The following EXOSC1 variants were observed in gnomAD, a reference collection of about 807,000 sequenced individuals.
EXOSC1 encodes the protein exosome complex component CSL4.
In EXOSC1, 27 loss-of-function variants were observed where a neutral mutation model predicts 31.4. The observed-to-expected ratio is 0.86, with a 90% CI of 0.63 to 1.18. The LOEUF is 1.18. Among genes scored for constraint, EXOSC1 ranks in the 50% most tolerant of loss-of-function variants. The pLI, the probability that EXOSC1 is intolerant of heterozygous loss-of-function variation, is 0.00. For synonymous variants in EXOSC1, 84 were observed against 89.5 expected, an observed-to-expected ratio of 0.94 and a Z score of 0.35; for missense variants, 228 against 250.3, an observed-to-expected ratio of 0.91 and a Z score of 0.60.
At chr10:97,444,847 T>C (rs1372187852) in intron 2 of EXOSC1, 1 of 152,224 alleles carries the variant, frequency 6.6e-6, no homozygotes, top group Non-Finnish European at 1.5e-5. Context: ...GCTTATATGA[T>C]CCTGAGCTAA....
At position 97,436,047 on chromosome 10, in the gene EXOSC1, G is replaced by A; in HGVS notation, c.*398C>T. ...ACGTATGTAAAGCACCTGACTCAGTGCCTAGCACAGTAAGTACTCAATAAG... is the reference window on the plus strand; with the variant it reads ...ACGTATGTAAAGCACCTGACTCAGTACCTAGCACAGTAAGTACTCAATAAG... On this transcript the variant is annotated 3_prime_UTR_variant, in exon 8 of 8. Coordinates refer to ENST00000370902, the MANE Select transcript of EXOSC1 (RefSeq NM_016046.5). 4.4e-6 allele frequency: 1 copy of A among 229,498 alleles called. No homozygotes were observed. The allele number at this position is 229,498 out of a possible 1,614,324, so 14.2% of individuals were successfully genotyped here.
chr10:97,438,784 CCT>C, intron 4 of EXOSC1, 81 bp from the exon 5 acceptor site: 1 of 1,108,758 alleles, frequency 9.0e-7, no homozygotes, highest in East Asian at 2.4e-5. Flanking sequence ...ACAGAGTCTC[CCT>C]CTGTCACCCA....
rs1315285360 is a variant in EXOSC1, at chr10:97,436,008, C to T, written c.*437G>A. 2 of 173,622 alleles carry T rather than the reference C, an allele frequency of 1.2e-5. No homozygotes were observed. The highest frequency in any genetic ancestry group is 2.4e-5 in the Non-Finnish European group (2 of 82,570). The allele number at this position is 173,622 out of a possible 1,614,324, so 10.8% of individuals were successfully genotyped here. Reference sequence around the variant, plus strand: ...CAAATTTTCATTAAATCACAATGTACCTAAATGAAGGGGACGTATGTAAAG... The same window carrying T: ...CAAATTTTCATTAAATCACAATGTATCTAAATGAAGGGGACGTATGTAAAG... On this transcript the variant is annotated 3_prime_UTR_variant, in exon 8 of 8. Transcript: ENST00000370902.
rs1451594254 is a variant in EXOSC1 at position 97,443,248 on chromosome 10, C to T, written c.211G>A (p.Val71Ile). Reference protein sequence around the residue: ...SQLLPDVGAIVTCKVSSINSR... With the variant: ...SQLLPDVGAIITCKVSSINSR... ...CAGGACCAACTTACCTTACAGGTTA[C>T]AATAGCTCCCACATCTGGCAGTAAC... The change falls in exon 3 of 8, where the codon GTA (valine) becomes ATA (isoleucine). Residue 71 changes from valine to isoleucine, a missense_variant. Physicochemically the swap from Val to Ile is conservative, Grantham distance 29. Transcript: ENST00000370902. 7 of 1,614,046 alleles carry T rather than the reference C, an allele frequency of 4.3e-6. No homozygotes were observed. Among genetic ancestry groups the T allele is most frequent in the Non-Finnish European group, 5.9e-6 (7 of 1,179,942 alleles).
chr10:97,437,244 A>AG lies in EXOSC1; in HGVS notation c.427dup (p.Leu143ProfsTer17). The AG allele has an allele frequency of 6.2e-7, 1 of 1,614,168 alleles. No homozygotes were observed. Among genetic ancestry groups the AG allele is most frequent in the Non-Finnish European group, 8.5e-7 (1 of 1,180,014 alleles). On this transcript the variant is annotated frameshift_variant, in exon 7 of 8. Transcript: ENST00000370902. LOFTEE classifies it high-confidence loss of function. ...CAGCTCGTTCTCGGCGGTGGTTAGC[A>AG]GGTAGTTGGACTGTGCATCACCTAA...
At chr10:97,445,034 G>A (rs17415112) in intron 2 of EXOSC1, 15,467 of 152,138 alleles carry the variant, frequency 0.1, 1,045 homozygotes, top group Middle Eastern at 0.18. Context: ...CTCATCATAT[G>A]CTGACATAGT....
chr10:97,440,051 C>A (rs1845667306), intron 4 of EXOSC1, among the ~76,000 whole-genome samples: 1 of 151,548 alleles, frequency 6.6e-6, no homozygotes. Context: ...TGGCTCACCG[C>A]AAGCTCCGCC....
At chr10:97,436,786 G>A (rs1406780835) in intron 7 of EXOSC1, among the ~76,000 whole-genome samples, 2 of 152,216 alleles carry the variant, frequency 1.3e-5, no homozygotes, top group Non-Finnish European at 2.9e-5. Context: ...CACTTTGGGA[G>A]GCCAAGGCGG....
chr10:97,437,355 C>CT (rs879117300), intron 6 of EXOSC1, 80 bp from the exon 7 acceptor site: 36,157 of 816,980 alleles, frequency 0.044, no homozygotes, highest in South Asian at 0.058. Context: ...GTTTTTCTAC[C>CT]TTTTTTTTTT....
rs1845927976 is a variant in EXOSC1 at position 97,445,586 on chromosome 10, C to T, written c.147+146G>A. ...TGTGTGGTGGCTAAGTGCACCACAG[C>T]GGCGATACGGCTAGAAGAAACTAAG... On this transcript the variant is annotated intron_variant, in intron 2 of 7. Transcript: ENST00000370902. 1.3e-5 allele frequency: 9 copies of T among 696,760 alleles called. No homozygotes were observed. The East Asian group carries it at 1.9e-4, about 15-fold the overall frequency. 43.2% of individuals were successfully genotyped at this position (696,760 alleles called of 1,614,324 possible).
At position 97,437,250 on chromosome 10, in the gene EXOSC1, T is replaced by C. The variant is rs760283317; in HGVS notation, c.422A>G (p.Asn141Ser). ...KVISLGDAQS[N>S]YLLTTAENEL... ...GTTCTCGGCGGTGGTTAGCAGGTAG[T>C]TGGACTGTGCATCACCTAAGGAGAT... The change falls in exon 7 of 8, where the codon AAC (asparagine) becomes AGC (serine). Residue 141 changes from asparagine (N) to serine (S), a missense_variant. Asn to Ser is a conservative substitution (Grantham distance 46). Coordinates refer to ENST00000370902, the MANE Select transcript of EXOSC1 (RefSeq NM_016046.5). The C allele has an allele frequency of 2.5e-6, 4 of 1,614,092 alleles. No individual in the cohort carries two copies. Among genetic ancestry groups the C allele is most frequent in the Non-Finnish European group, 3.4e-6 (4 of 1,179,988 alleles).
chr10:97,436,550 A>G lies in EXOSC1; in HGVS notation c.483T>C (p.Gly161=), dbSNP rs766481060. The G allele has an allele frequency of 1.9e-6, 3 of 1,591,664 alleles. No individual in the cohort carries two copies. In the Admixed American group the frequency reaches 5.6e-5, roughly 30 times the overall value. ...LGVVVAHSES[G]IQMVPISWCE... Reference sequence around the variant, plus strand: ...ACCAGCTGATGGGAACCATCTGGATACCTGGAAGGGAAAAGCTGGTGGTGG... The same window carrying G: ...ACCAGCTGATGGGAACCATCTGGATGCCTGGAAGGGAAAAGCTGGTGGTGG... The change falls in exon 8 of 8, where the codon GGT becomes GGC. Residue 161 remains glycine, a splice_region_variant and synonymous_variant. Transcript: ENST00000370902.
At chr10:97,437,084 T>C in intron 7 of EXOSC1, 107 bp downstream of exon 7, 1 of 950,672 alleles carries the variant, frequency 1.1e-6, no homozygotes, top group Non-Finnish European at 1.7e-6. Context: ...GAGGGAAATA[T>C]CTATAGCCAT....
At chr10:97,436,732 A>T (rs571177021) in intron 7 of EXOSC1, among the ~76,000 whole-genome samples, 181 bp from the exon 8 acceptor site, 1 of 152,276 alleles carries the variant, frequency 6.6e-6, no homozygotes, top group South Asian at 2.1e-4. Flanking sequence ...GATTTATATA[A>T]GGAGAATCAG....
rs141065374 is a variant in EXOSC1, at chr10:97,438,689, C to T, written c.326G>A (p.Arg109Gln). ...AACAACCTTGTCTTTTTCAGTTGCT[C>T]GGACATCTTCCTTGCTATAAAAAAA... ...FRGTIRKEDV[R>Q]ATEKDKVEIY... The change falls in exon 5 of 8, where the codon CGA becomes CAA. Residue 109 changes from arginine (R) to glutamine (Q), a missense_variant. Arg to Gln is a conservative substitution (Grantham distance 43). Transcript: ENST00000370902. 24 of 1,608,530 alleles carry T rather than the reference C, an allele frequency of 1.5e-5. No individual in the cohort carries two copies. Among genetic ancestry groups the T allele is most frequent in the South Asian group, 5.5e-5 (5 of 90,428 alleles).
At chr10:97,437,057 T>A (rs1002183876) in intron 7 of EXOSC1, 134 bp downstream of exon 7, 14 of 829,312 alleles carry the variant, frequency 1.7e-5, no homozygotes, top group Non-Finnish European at 2.6e-5. Context: ...AAGAAAAAAA[T>A]AATCATTCTA....
chr10:97,445,707 G>A (rs1184411611), intron 2 of EXOSC1, 25 bp downstream of exon 2: 2 of 1,608,636 alleles, frequency 1.2e-6, no homozygotes, highest in South Asian at 2.2e-5. Flanking sequence ...AAAACAGAGG[G>A]GAGATGGCAT....
At chr10:97,437,637 C>A in intron 6 of EXOSC1, 63 bp downstream of exon 6, 1 of 1,523,850 alleles carries the variant, frequency 6.6e-7, no homozygotes, top group South Asian at 1.1e-5. Flanking sequence ...CATGAGCCAC[C>A]ACACCCGGCC....
At chr10:97,445,877 GC>G (rs1454876505) in intron 1 of EXOSC1, 30 bp from the exon 2 acceptor site, 1 of 1,613,376 alleles carries the variant, frequency 6.2e-7, no homozygotes, top group South Asian at 1.1e-5. Context: ...TCGGTCACGG[GC>G]CCCCAGAAGC....
Sources: gnomAD v4.1 joint callset for allele counts (sites outside exome capture counted in the v4.1 genomes callset) on GRCh38, gnomAD v4.1.1 for gene constraint, MANE v1.5 for transcripts, NCBI Gene and HGNC (gene_info 2026-07-23, HGNC 2026-07-21) for gene names.